CCNY: variants seen among roughly 807,000 people sequenced by gnomAD.
CCNY encodes the protein cyclin-Y.
A neutral mutation model predicts 42.8 loss-of-function variants in CCNY; 19 were observed. That is an observed-to-expected ratio of 0.44 (90% CI 0.31 to 0.65). CCNY has a LOEUF of 0.65. Ranked by LOEUF, CCNY falls within the 30% of genes least tolerant of loss-of-function variation. CCNY has a pLI of 0.07. For missense variants in CCNY, 370 were observed against 437.3 expected, an observed-to-expected ratio of 0.85 and a Z score of 1.37; for synonymous variants, 165 against 162.7, an observed-to-expected ratio of 1.01 and a Z score of -0.11.
At chr10:35,253,621 A>G (rs568708617) in intron 3 of CCNY, among the ~76,000 whole-genome samples, 1 of 151,490 alleles carries the variant, frequency 6.6e-6, no homozygotes, top group African/African-American at 2.4e-5. Context: ...ATTCCCCATG[A>G]GGGAATCTCA....
chr10:35,442,233 C>T (rs1838686899), intron 1 of CCNY, among the ~76,000 whole-genome samples: 1 of 152,144 alleles, frequency 6.6e-6, no homozygotes, highest in Non-Finnish European at 1.5e-5. Context: ...TGGTTGCCCT[C>T]CAAGGGCTTA....
intron 1 of CCNY, among the ~76,000 whole-genome samples, chr10:35,399,205 G>A (rs1013082688): frequency 2.0e-5 from 3 of 152,200 alleles, no homozygotes; most frequent in Non-Finnish European, 4.4e-5. Flanking sequence ...CACTTTGAAA[G>A]TGAGGGTGGC....
At chr10:35,424,525 C>T (rs1015797386) in intron 1 of CCNY, among the ~76,000 whole-genome samples, 7 of 152,234 alleles carry the variant, frequency 4.6e-5, no homozygotes, top group African/African-American at 1.2e-4. Flanking sequence ...CGCGCCCAGC[C>T]GTTATTTTCT....
At chr10:35,390,694 C>G (rs1837395689) in intron 1 of CCNY, among the ~76,000 whole-genome samples, 2 of 152,184 alleles carry the variant, frequency 1.3e-5, no homozygotes, top group Admixed American at 1.3e-4. Context: ...CCTCAGTAAC[C>G]CCCAGCTCAG....
intron 1 of CCNY, among the ~76,000 whole-genome samples, chr10:35,395,415 A>G (rs1837502349): frequency 6.6e-6 from 1 of 152,180 alleles, no homozygotes; most frequent in Non-Finnish European, 1.5e-5. Context: ...GAGCAGTGCG[A>G]AGGTCATTGT....
chr10:35,307,798 G>A (rs61617178), intron 3 of CCNY, among the ~76,000 whole-genome samples: 61 of 52,108 alleles, frequency 1.2e-3, no homozygotes, highest in African/African-American at 4.6e-3. Flanking sequence ...GTGTGTGTGT[G>A]TGTATATATA....
intron 3 of CCNY, among the ~76,000 whole-genome samples, chr10:35,291,251 C>A (rs1336737341): frequency 6.6e-6 from 1 of 152,076 alleles, no homozygotes; most frequent in Admixed American, 6.6e-5. Flanking sequence ...AGGTGATCTA[C>A]CTGCCTTGGC....
chr10:35,348,721 C>T (rs1589050920), intron 1 of CCNY, among the ~76,000 whole-genome samples: 1 of 152,144 alleles, frequency 6.6e-6, no homozygotes, highest in Admixed American at 6.5e-5. Flanking sequence ...TGCTTTTATT[C>T]TTAGCGATGT....
chr10:35,562,049 A>G (rs543280298), intron 8 of CCNY, among the ~76,000 whole-genome samples: 1 of 152,350 alleles, frequency 6.6e-6, no homozygotes, highest in African/African-American at 2.4e-5. Flanking sequence ...TGGATGGGGA[A>G]AGGACAGTGA....
chr10:35,525,176 A>T (rs2135417873), intron 4 of CCNY, among the ~76,000 whole-genome samples: 1 of 152,350 alleles, frequency 6.6e-6, no homozygotes, highest in Non-Finnish European at 1.5e-5. Flanking sequence ...GATAAAAAAA[A>T]GTTAACATGA....
In CCNY at chr10:35,435,574, A is replaced by G. The variant is rs116736381; in HGVS notation, c.155-47830A>G. 4.2e-3 allele frequency among the ~76,000 whole-genome samples: 635 copies of G among 152,364 alleles called. 7 individuals carry two copies. The highest frequency in any genetic ancestry group is 0.014 in the African/African-American group (603 of 41,592). ...CACACACGTTGTCTTGTACAATACA[A>G]TGCTTAACCTTTATTTTAAAGATAA... On this transcript the variant is annotated intron_variant, in intron 1 of 9. Coordinates refer to ENST00000374704, the MANE Select transcript of CCNY (RefSeq NM_145012.6).
At position 35,505,806 on chromosome 10, in the gene CCNY, G is replaced by A. The variant is rs141341266; in HGVS notation, c.264+4271G>A. Among the ~76,000 whole-genome samples, 940 of 152,278 alleles carry A rather than the reference G, an allele frequency of 6.2e-3. 3 individuals carry two copies. The highest frequency in any genetic ancestry group is 0.024 in the Middle Eastern group (7 of 294). ...AAGTCTTTCTGGTATTTTGAGTATG[G>A]ATATAGTTTTTTCATAATCATTAAG... is the stretch of plus-strand genomic sequence containing the variant. On this transcript the variant is annotated intron_variant, in intron 3 of 9. Coordinates refer to ENST00000374704, the MANE Select transcript of CCNY (RefSeq NM_145012.6).
rs142872800 is a variant in CCNY, at chr10:35,423,709, C to A, written c.155-59695C>A. On this transcript the variant is annotated intron_variant, in intron 1 of 9. Coordinates refer to ENST00000374704, the MANE Select transcript of CCNY (RefSeq NM_145012.6). ...CCTTTTGTCCAAGAAGAACTTTGAC[C>A]TGCCTCAGTCCTGGGTTGCTGGCTA... Among the ~76,000 whole-genome samples the A allele has an allele frequency of 3.4e-3, 519 of 152,178 alleles. 2 individuals are homozygous for A. Among genetic ancestry groups the A allele is most frequent in the African/African-American group, 0.012 (491 of 41,532 alleles).
intron 3 of CCNY, among the ~76,000 whole-genome samples, chr10:35,324,085 A>G (rs563939011): frequency 2.0e-5 from 3 of 152,308 alleles, no homozygotes; most frequent in South Asian, 2.1e-4. Flanking sequence ...TTTGGTGTAC[A>G]AAGGGAATGT....
At chr10:35,438,023 T>C (rs972905678) in intron 1 of CCNY, among the ~76,000 whole-genome samples, 2 of 152,188 alleles carry the variant, frequency 1.3e-5, no homozygotes, top group Non-Finnish European at 2.9e-5. Context: ...CAAATACTCT[T>C]ACCAGCTTCT....
chr10:35,292,157 C>T (rs755543401), intron 3 of CCNY, among the ~76,000 whole-genome samples: 1 of 151,946 alleles, frequency 6.6e-6, no homozygotes, highest in Admixed American at 6.6e-5. Context: ...ATTTATACAT[C>T]TTTTTTGGAG....
chr10:35,452,556 C>T (rs142745441), intron 1 of CCNY, among the ~76,000 whole-genome samples: 1 of 152,118 alleles, frequency 6.6e-6, no homozygotes, highest in African/African-American at 2.4e-5. Flanking sequence ...TTTACCATTT[C>T]ATGGTGTTCA....
chr10:35,273,116 A>G (rs1273962624), intron 3 of CCNY, among the ~76,000 whole-genome samples: 3 of 151,576 alleles, frequency 2.0e-5, no homozygotes, highest in African/African-American at 4.9e-5. Context: ...TCCCTAATCC[A>G]TTCTCTTTCC....
intron 3 of CCNY, among the ~76,000 whole-genome samples, chr10:35,295,114 C>A (rs1356513389): frequency 6.6e-6 from 1 of 152,014 alleles, no homozygotes; most frequent in African/African-American, 2.4e-5. Flanking sequence ...GAGATTGCAC[C>A]ACTGCACTCC....
Sources: allele counts gnomAD v4.1 joint callset (sites outside exome capture counted in the v4.1 genomes callset), GRCh38; gene constraint gnomAD v4.1.1; transcripts MANE v1.5; gene names NCBI Gene and HGNC (gene_info 2026-07-23, HGNC 2026-07-21).